The following TTPA variants were observed in gnomAD, a reference collection of about 807,000 sequenced individuals.
TTPA encodes the protein alpha tocopherol transfer protein, also known as alpha-tocopherol transfer protein.
A neutral mutation model predicts 25.9 loss-of-function variants in TTPA; 23 were observed. The observed-to-expected ratio is 0.89, with a 90% CI of 0.64 to 1.26. The LOEUF (loss-of-function observed/expected upper bound fraction) is 1.26. Among genes scored for constraint, TTPA ranks in the 50% most tolerant of loss-of-function variants. TTPA has a pLI of 0.00. For missense variants in TTPA, 337 were observed against 353.1 expected (o/e 0.95, Z 0.37); for synonymous variants, 148 against 137.3 (o/e 1.08, Z -0.54).
At chr8:63,080,624 G>A (rs1805645862) in intron 1 of TTPA, among the ~76,000 whole-genome samples, 1 of 151,756 alleles carries the variant, frequency 6.6e-6, no homozygotes, top group Non-Finnish European at 1.5e-5. Context: ...GGGAGGCTGA[G>A]GTGGGAGAAT....
At chr8:63,084,504 T>A (rs1805716069) in intron 1 of TTPA, among the ~76,000 whole-genome samples, 1 of 152,166 alleles carries the variant, frequency 6.6e-6, no homozygotes, top group African/African-American at 2.4e-5. Context: ...AATATATCCA[T>A]CCAGTAGAAT....
chr8:63,065,235 G>C (rs1253408687), intron 3 of TTPA, among the ~76,000 whole-genome samples: 3 of 152,258 alleles, frequency 2.0e-5, no homozygotes, highest in Non-Finnish European at 2.9e-5. Flanking sequence ...CAGGTGACCT[G>C]GGCTGGAATT....
chr8:63,085,480 T>C (rs550658160), intron 1 of TTPA, among the ~76,000 whole-genome samples: 1 of 152,364 alleles, frequency 6.6e-6, no homozygotes, highest in African/African-American at 2.4e-5. Flanking sequence ...CAGGCTTTCC[T>C]GCAGGGAGAG....
intron 1 of TTPA, among the ~76,000 whole-genome samples, chr8:63,078,092 A>G (rs2129775772): frequency 6.6e-6 from 1 of 152,104 alleles, no homozygotes; most frequent in South Asian, 2.1e-4. Context: ...CAGCTGAGAG[A>G]CCTGACTGTT....
chr8:63,076,860 C>T lies in TTPA; in HGVS notation c.205-3772G>A, dbSNP rs1028053709. On this transcript the variant is annotated intron_variant, in intron 1 of 4. Transcript: ENST00000260116. ...GATATTGGGATACTTATATAGCCAT[C>T]TAAAAAATGAAAATAAATAAAGTTG... 3.3e-5 allele frequency among the ~76,000 whole-genome samples: 5 copies of T among 151,758 alleles called. 1 individual carries two copies. The highest frequency in any genetic ancestry group is 7.4e-5 in the Non-Finnish European group (5 of 67,984).
At chr8:63,066,520 T>A (rs990777399) in intron 2 of TTPA, among the ~76,000 whole-genome samples, 3 of 152,166 alleles carry the variant, frequency 2.0e-5, no homozygotes, top group African/African-American at 7.2e-5. Context: ...GGCAGGCAAG[T>A]TGATCCTCTG....
In TTPA at chr8:63,081,107, T is replaced by C. The variant is rs1209282036; in HGVS notation, c.204+4711A>G. Among the ~76,000 whole-genome samples, 7 of 150,660 alleles carry C rather than the reference T, an allele frequency of 4.6e-5. No homozygotes were observed. In the East Asian group the frequency reaches 9.8e-4, roughly 21 times the overall value. On this transcript the variant is annotated intron_variant, in intron 1 of 4. Transcript: ENST00000260116. The stretch of plus-strand genomic sequence containing the variant: ...TTCCTTCTGAAACTATTCCAATCAA[T>C]AGAAAAAGAGGGGATCCTCACAAAC...
intron 1 of TTPA, among the ~76,000 whole-genome samples, chr8:63,081,975 C>T (rs978023435): frequency 3.9e-5 from 6 of 152,126 alleles, no homozygotes; most frequent in Non-Finnish European, 7.3e-5. Flanking sequence ...CAAACCACTG[C>T]TCAACAAAAT....
chr8:63,074,089 CTTA>C (rs138435943), intron 1 of TTPA, among the ~76,000 whole-genome samples: 1,628 of 152,212 alleles, frequency 0.011, 33 homozygotes, highest in African/African-American at 0.038. Flanking sequence ...TTTAAAGAGA[CTTA>C]TTAATGTGAG....
At chr8:63,070,411 A>C (rs1471481493) in intron 2 of TTPA, among the ~76,000 whole-genome samples, 5 of 152,162 alleles carry the variant, frequency 3.3e-5, no homozygotes, top group Non-Finnish European at 5.9e-5. Flanking sequence ...GTTCTACCGA[A>C]AAGTTCCACC....
chr8:63,081,550 A>G (rs1434450682), intron 1 of TTPA, among the ~76,000 whole-genome samples: 1 of 152,210 alleles, frequency 6.6e-6, no homozygotes, highest in Non-Finnish European at 1.5e-5. Context: ...GAATGGGCCA[A>G]AACTGGAAGC....
rs746688748 is a variant in TTPA, at chr8:63,064,169, G to T, written c.663+37C>A. 9.1e-6 allele frequency: 13 copies of T among 1,430,518 alleles called. No individual in the cohort carries two copies. In the South Asian group the frequency reaches 1.5e-4, roughly 17 times the overall value. The allele number at this position is 1,430,518 out of a possible 1,614,324, so 88.6% of individuals were successfully genotyped here. A position where few individuals can be genotyped will look rare whatever the true frequency, so the allele number is the denominator to read the frequency against. ...AAATTAAAAAGGGTTGGAATGTTTG[G>T]TGTAGAGGAACACAGACTTGAATAT... is the stretch of plus-strand genomic sequence containing the variant. On this transcript the variant is annotated intron_variant, in intron 4 of 4. Coordinates refer to ENST00000260116, the MANE Select transcript of TTPA (RefSeq NM_000370.3).
Position 63,061,101 on chromosome 8 carries a change from C to T in TTPA, c.*151G>A, listed in dbSNP as rs1216236180. The T allele has an allele frequency of 7.7e-6, 6 of 777,564 alleles. No individual in the cohort carries two copies. Among genetic ancestry groups the T allele is most frequent in the Non-Finnish European group, 1.3e-5 (6 of 479,450 alleles). The allele number at this position is 777,564 out of a possible 1,614,324, so 48.2% of individuals were successfully genotyped here. On this transcript the variant is annotated 3_prime_UTR_variant, in exon 5 of 5. Coordinates refer to ENST00000260116, the MANE Select transcript of TTPA (RefSeq NM_000370.3). ...AAAAAGTAAAAAATCTTTCCAAACA[C>T]CTGTGTTGCTCATGTCAGAAGATTT...
chr8:63,074,002 A>T (rs1805523483), intron 1 of TTPA, among the ~76,000 whole-genome samples: 1 of 152,132 alleles, frequency 6.6e-6, no homozygotes, highest in African/African-American at 2.4e-5. Context: ...AAAAATTATT[A>T]TATTTATATT....
intron 2 of TTPA, among the ~76,000 whole-genome samples, chr8:63,071,997 A>G (rs1233240421): frequency 3.3e-5 from 5 of 152,214 alleles, no homozygotes; most frequent in African/African-American, 1.2e-4. Context: ...ATGAGAATAA[A>G]CAGGAGTTAA....
intron 1 of TTPA, among the ~76,000 whole-genome samples, chr8:63,080,487 C>T (rs1308791823): frequency 1.3e-5 from 2 of 152,052 alleles, no homozygotes; most frequent in Middle Eastern, 3.4e-3. Context: ...TTTGGGAGGC[C>T]AAGGCAGGCG....
chr8:63,063,159 G>A (rs1295108667), intron 4 of TTPA, among the ~76,000 whole-genome samples: 1 of 152,098 alleles, frequency 6.6e-6, no homozygotes, highest in Non-Finnish European at 1.5e-5. Flanking sequence ...TGATTTTTTA[G>A]ATTTAAACTG....
Position 63,072,017 on chromosome 8 carries a change from G to A in TTPA, c.358+918C>T, listed in dbSNP as rs181477597. ...AATAAACAGGAGTTAATGGAATACCGTGTCTGCAACAGCTCCCAGAGGAGT... is the reference window on the plus strand; with the variant it reads ...AATAAACAGGAGTTAATGGAATACCATGTCTGCAACAGCTCCCAGAGGAGT... On this transcript the variant is annotated intron_variant, in intron 2 of 4. Coordinates refer to ENST00000260116, the MANE Select transcript of TTPA (RefSeq NM_000370.3). Among the ~76,000 whole-genome samples, 9 of 152,270 alleles carry A rather than the reference G, an allele frequency of 5.9e-5. No individual in the cohort carries two copies. The East Asian group carries it at 7.7e-4, about 13-fold the overall frequency.
Position 63,085,797 on chromosome 8 carries a change from G to A in TTPA, c.204+21C>T, listed in dbSNP as rs1167980938. 3 of 1,532,264 alleles carry A rather than the reference G, an allele frequency of 2.0e-6. No homozygotes were observed. In the South Asian group the frequency reaches 3.6e-5, roughly 18 times the overall value. 94.9% of individuals were successfully genotyped at this position (1,532,264 alleles called of 1,614,324 possible). A position where few individuals can be genotyped will look rare whatever the true frequency, so the allele number is the denominator to read the frequency against. The stretch of plus-strand genomic sequence containing the variant: ...GCGGGTGAGGTGCGCACTGCCGAGC[G>A]CCCTGGGCACGCACGCTTACCCGCC... On this transcript the variant is annotated intron_variant, in intron 1 of 4. Transcript: ENST00000260116.
Sources: allele counts gnomAD v4.1 joint callset (sites outside exome capture counted in the v4.1 genomes callset), GRCh38; gene constraint gnomAD v4.1.1; transcripts MANE v1.5; gene names NCBI Gene and HGNC (gene_info 2026-07-23, HGNC 2026-07-21).